Variants in KL observed in about 807,000 individuals in gnomAD.
KL encodes klotho.
Under a neutral mutation model 84.2 loss-of-function variants are expected in KL, and 62 were observed. The ratio of observed to expected loss-of-function variants is 0.74; its 90% CI spans 0.60 to 0.91. The LOEUF is 0.91. Among genes scored for constraint, KL ranks in the 40% least tolerant of loss-of-function variants. KL has a pLI of 0.00. For synonymous variants in KL, 528 were observed against 528.0 expected (o/e 1.00, Z 0.00); for missense variants, 1,261 against 1,305.7 (o/e 0.97, Z 0.53).
At chr13:33,044,635 A>ATTTTTTTTTTT (rs1871453892) in intron 1 of KL, among the ~76,000 whole-genome samples, 1 of 72,290 alleles carries the variant, frequency 1.4e-5, no homozygotes. Context: ...AATGCAATTG[A>ATTTTTTTTTTT]TTTTCTTTTT....
intron 1 of KL, among the ~76,000 whole-genome samples, chr13:33,052,762 T>C (rs986112762): frequency 6.6e-6 from 1 of 152,080 alleles, no homozygotes; most frequent in African/African-American, 2.4e-5. Context: ...TTTTGGAGAA[T>C]ATATGGAGTC....
rs1243419856 is a variant in KL, at chr13:33,061,678, C to G, written c.2599C>G (p.Pro867Ala). 3 of 1,614,096 alleles carry G rather than the reference C, an allele frequency of 1.9e-6. No homozygotes were observed. The highest frequency in any genetic ancestry group is 2.5e-6 in the Non-Finnish European group (3 of 1,179,978). The change falls in exon 4 of 5, where the codon CCC (proline) becomes GCC (alanine). Residue 867 changes from proline (P) to alanine (A), a missense_variant. By Grantham distance (27) the Pro-to-Ala change is conservative. Coordinates refer to ENST00000380099, the MANE Select transcript of KL (RefSeq NM_004795.4). ...NWLKFKYGDL[P>A]MYIISNGIDD... ...GCTGAAGTTCAAGTACGGAGACCTCCCCATGTACATAATATCCAATGGAAT... is the reference window on the plus strand; with the variant it reads ...GCTGAAGTTCAAGTACGGAGACCTCGCCATGTACATAATATCCAATGGAAT...
Position 33,017,145 on chromosome 13 carries a change from C to T in KL, c.705C>T (p.Ile235=), listed in dbSNP as rs962843078. Residue 235 remains isoleucine (I), a synonymous_variant, in exon 1 of 5, where the codon ATC becomes ATT. Transcript: ENST00000380099. ...TCGGCGGTCAGGTCAAGTACTGGAT[C>T]ACCATCGACAACCCCTACGTGGTGG... ...RHFGGQVKYW[I]TIDNPYVVAW... is the part of the protein sequence containing the mutation. 1 of 1,602,440 alleles carries T rather than the reference C, an allele frequency of 6.2e-7. No individual in the cohort carries two copies. Among genetic ancestry groups the T allele is most frequent in the South Asian group, 1.1e-5 (1 of 91,084 alleles).
intron 1 of KL, among the ~76,000 whole-genome samples, chr13:33,047,037 T>G (rs931224654): frequency 1.3e-5 from 2 of 152,192 alleles, no homozygotes; most frequent in Non-Finnish European, 2.9e-5. Context: ...GTTTAAAATT[T>G]ATTAAGACTT....
intron 1 of KL, among the ~76,000 whole-genome samples, chr13:33,041,971 C>G (rs1871354654): frequency 6.6e-6 from 1 of 152,104 alleles, no homozygotes; most frequent in Non-Finnish European, 1.5e-5. Flanking sequence ...AATGTAAGCT[C>G]CATAAGAACA....
intron 3 of KL, among the ~76,000 whole-genome samples, 188 bp from the exon 4 acceptor site, chr13:33,060,489 AGT>A (rs1447379670): frequency 6.6e-6 from 1 of 152,174 alleles, no homozygotes; most frequent in Non-Finnish European, 1.5e-5. Flanking sequence ...GGGTAAAGCG[AGT>A]GTGCATATCA....
At chr13:33,050,946 T>C (rs564180768) in intron 1 of KL, among the ~76,000 whole-genome samples, 1 of 151,982 alleles carries the variant, frequency 6.6e-6, no homozygotes, top group Non-Finnish European at 1.5e-5. Context: ...GTTAGAGGAG[T>C]AGGGAATCTA....
chr13:33,039,784 TAGGTACAGC>T (rs1871272163), intron 1 of KL, among the ~76,000 whole-genome samples: 1 of 152,162 alleles, frequency 6.6e-6, no homozygotes, highest in Non-Finnish European at 1.5e-5. Context: ...GCATCCAACG[TAGGTACAGC>T]CCTGGATGAG....
Position 33,061,184 on chromosome 13 carries a change from A to G in KL, c.2105A>G (p.Asn702Ser). 2 of 1,614,254 alleles carry G rather than the reference A, an allele frequency of 1.2e-6. No individual in the cohort carries two copies. Among genetic ancestry groups the G allele is most frequent in the Non-Finnish European group, 1.7e-6 (2 of 1,180,042 alleles). ...TRNMTYSAGH[N>S]LLKAHALAWH... ...AATATGACATACAGTGCTGGCCACA[A>G]CCTTCTGAAGGCCCATGCCCTGGCT... The change falls in exon 4 of 5, where the codon AAC (asparagine) becomes AGC (serine). Residue 702 changes from asparagine (N) to serine (S), a missense_variant. By Grantham distance (46) the Asn-to-Ser change is conservative. Transcript: ENST00000380099.
At position 33,052,838 on chromosome 13, in the gene KL, A is replaced by C. The variant is rs527639808; in HGVS notation, c.820-929A>C. On this transcript the variant is annotated intron_variant, in intron 1 of 4. Coordinates refer to ENST00000380099, the MANE Select transcript of KL (RefSeq NM_004795.4). ...AGGGGAATAAAGGCTGATAAACAAC[A>C]CTTGTATTTGTAGGAAAATAGGGAG... 1.8e-4 allele frequency among the ~76,000 whole-genome samples: 28 copies of C among 152,310 alleles called. No individual in the cohort carries two copies. The South Asian group carries it at 5.0e-3, about 27-fold the overall frequency.
intron 1 of KL, among the ~76,000 whole-genome samples, chr13:33,047,855 T>G (rs1871594473): frequency 6.6e-6 from 1 of 152,132 alleles, no homozygotes; most frequent in African/African-American, 2.4e-5. Flanking sequence ...TTTAATATCT[T>G]TGTGAGTTTT....
chr13:33,023,448 T>G (rs1188905122), intron 1 of KL, among the ~76,000 whole-genome samples: 1 of 152,230 alleles, frequency 6.6e-6, no homozygotes, highest in Non-Finnish European at 1.5e-5. Flanking sequence ...TTAGACATGG[T>G]AGCCTCACTT....
intron 1 of KL, among the ~76,000 whole-genome samples, chr13:33,045,721 C>T (rs960345625): frequency 4.6e-5 from 7 of 152,090 alleles, no homozygotes; most frequent in African/African-American, 7.2e-5. Context: ...TCAGATGATC[C>T]GCCCGCCTCG....
intron 1 of KL, among the ~76,000 whole-genome samples, chr13:33,041,407 G>C (rs972985134): frequency 2.9e-5 from 4 of 138,572 alleles, no homozygotes; most frequent in Non-Finnish European, 3.2e-5. Context: ...TTTTTAAATG[G>C]CAAAAACTGC....
intron 1 of KL, among the ~76,000 whole-genome samples, chr13:33,045,268 C>T (rs969926838): frequency 2.0e-5 from 3 of 152,042 alleles, no homozygotes; most frequent in Non-Finnish European, 2.9e-5. Context: ...TAGGATTTTC[C>T]ATATGTAGAA....
At chr13:33,046,004 G>A (rs960654041) in intron 1 of KL, among the ~76,000 whole-genome samples, 38 of 152,172 alleles carry the variant, frequency 2.5e-4, no homozygotes, top group African/African-American at 9.2e-4. Flanking sequence ...CTAGTTGATT[G>A]TGCTGTATAA....
chr13:33,022,950 A>C (rs1870628184), intron 1 of KL, among the ~76,000 whole-genome samples: 1 of 152,226 alleles, frequency 6.6e-6, no homozygotes, highest in Non-Finnish European at 1.5e-5. Context: ...TTAAAGAGTG[A>C]GGAAGAACAG....
rs111786826 is a variant in KL at position 33,019,708 on chromosome 13, G to GGT, written c.819+2473_819+2474dup. 6.6e-3 allele frequency among the ~76,000 whole-genome samples: 880 copies of GGT among 133,118 alleles called. 6 individuals are homozygous for GGT. The highest frequency in any genetic ancestry group is 0.017 in the African/African-American group (603 of 35,638). 87.3% of individuals were successfully genotyped at this position (133,118 alleles called of 152,430 possible). ...TACTGGAGTGAGCCTTGGCAAAAAT[G>GGT]GTGTGTGTGTGTGTGTGTGTGTGTG... On this transcript the variant is annotated intron_variant, in intron 1 of 4. Coordinates refer to ENST00000380099, the MANE Select transcript of KL (RefSeq NM_004795.4).
At chr13:33,037,327 TA>T (rs147150604) in intron 1 of KL, among the ~76,000 whole-genome samples, 3,246 of 152,158 alleles carry the variant, frequency 0.021, 109 homozygotes, top group East Asian at 0.076. Context: ...CCGTCACTTT[TA>T]AAAAAAACAA....
Sources: gnomAD v4.1 joint callset for allele counts (sites outside exome capture counted in the v4.1 genomes callset) on GRCh38, gnomAD v4.1.1 for gene constraint, MANE v1.5 for transcripts, NCBI Gene and HGNC (gene_info 2026-07-23, HGNC 2026-07-21) for gene names.